Variants in FAM193B observed in about 807,000 individuals in gnomAD.
FAM193B encodes protein FAM193B.
In FAM193B, 27 loss-of-function variants were observed where a neutral mutation model predicts 70.7. That is an observed-to-expected ratio of 0.38 (90% confidence interval 0.28 to 0.53). The LOEUF (loss-of-function observed/expected upper bound fraction) is 0.53, where lower values mean the gene tolerates loss of function less well. Ranked by LOEUF, FAM193B falls within the 20% of genes least tolerant of loss-of-function variation. FAM193B has a pLI of 0.81. For synonymous variants in FAM193B, 448 were observed against 436.0 expected (o/e 1.03, Z -0.34); for missense variants, 1,022 against 1,072.5 (o/e 0.95, Z 0.66).
At position 177,538,445 on chromosome 5, in the gene FAM193B, T is replaced by C. The variant is rs546132565; in HGVS notation, c.454-338A>G. Among the ~76,000 whole-genome samples, 1 of 152,224 alleles carries C rather than the reference T, an allele frequency of 6.6e-6. No homozygotes were observed. The highest frequency in any genetic ancestry group is 2.4e-5 in the African/African-American group (1 of 41,542). On this transcript the variant is annotated intron_variant, in intron 2 of 8. Transcript: ENST00000514747. This position sits in a 1 kb window ranked among gnomAD's most constrained non-coding sequence, Gnocchi z 4.1. ...AGGAGTCCTGAAGCTAAACTGTTCC[T>C]GGGTAAAAGGGAAGATCTGCAGCGA...
chr5:177,532,175 C>T lies in FAM193B; in HGVS notation c.1275+268G>A, dbSNP rs1763568287. The T allele has an allele frequency of 6.1e-6, 9 of 1,471,884 alleles. No individual in the cohort carries two copies. Among genetic ancestry groups the T allele is most frequent in the Non-Finnish European group, 8.1e-6 (9 of 1,106,714 alleles). The allele number at this position is 1,471,884 out of a possible 1,614,324, so 91.2% of individuals were successfully genotyped here. A position where few individuals can be genotyped will look rare whatever the true frequency, so the allele number is the denominator to read the frequency against. On this transcript the variant is annotated intron_variant, in intron 5 of 8. Transcript: ENST00000514747. This position sits in a 1 kb window ranked among gnomAD's most constrained non-coding sequence, Gnocchi z 4.9. ...ACATACTCATCAGAATCATAGCTTT[C>T]TCTCTGCCATTTCCTTTCCTTTTGC... is the stretch of plus-strand genomic sequence containing the variant.
chr5:177,539,082 G>A lies in FAM193B; in HGVS notation c.276C>T (p.Gly92=). Residue 92 remains glycine, a synonymous_variant, in exon 2 of 9, where the codon GGC becomes GGT. Coordinates refer to ENST00000514747, the MANE Select transcript of FAM193B (RefSeq NM_001190946.3). ...CATTTTGAGAAGGGCCTTCTTCCCAGCCTTTGCGTTCCCGGTGACACAGCA... is the reference window on the plus strand; with the variant it reads ...CATTTTGAGAAGGGCCTTCTTCCCAACCTTTGCGTTCCCGGTGACACAGCA... ...CCLLCHRERK[G]WEEGPSQNGL... 1 of 1,612,578 alleles carries A rather than the reference G, an allele frequency of 6.2e-7. No individual in the cohort carries two copies. Among genetic ancestry groups the A allele is most frequent in the East Asian group, 2.2e-5 (1 of 44,870 alleles).
At chr5:177,547,506 G>A (rs1234450142) in intron 1 of FAM193B, among the ~76,000 whole-genome samples, 2 of 150,910 alleles carry the variant, frequency 1.3e-5, no homozygotes, top group Non-Finnish European at 3.0e-5. Flanking sequence ...GGATGGTCTC[G>A]ATCTCCTGAC....
Position 177,536,351 on chromosome 5 carries a change from C to T in FAM193B, c.1076+7G>A. ...TAGCGAGTTTGCCCTTCATGCAGCA[C>T]ACTTACCTGTGAGTGCTAGGGAGTG... On this transcript the variant is annotated splice_region_variant and intron_variant, in intron 4 of 8. Transcript: ENST00000514747. The T allele has an allele frequency of 1.9e-6, 3 of 1,607,094 alleles. No homozygotes were observed. The highest frequency in any genetic ancestry group is 1.1e-5 in the South Asian group (1 of 90,428).
In FAM193B at chr5:177,538,231, AATT is replaced by A. The variant is rs748824898; in HGVS notation, c.454-127_454-125del. The A allele has an allele frequency of 1.1e-4, 104 of 966,298 alleles. No homozygotes were observed. In the African/African-American group the frequency reaches 1.7e-3, roughly 16 times the overall value. 59.9% of individuals were successfully genotyped at this position (966,298 alleles called of 1,614,324 possible). ...AGACCATGTGCCATAGCAAAAACAC[AATT>A]AATACAACTCCAGCTATAAGAACAA... On this transcript the variant is annotated intron_variant, in intron 2 of 8. Coordinates refer to ENST00000514747, the MANE Select transcript of FAM193B (RefSeq NM_001190946.3). This position sits in a 1 kb window ranked among gnomAD's most constrained non-coding sequence, Gnocchi z 4.1.
intron 1 of FAM193B, chr5:177,554,011 C>G: frequency 7.7e-7 from 1 of 1,302,762 alleles, no homozygotes; most frequent in Non-Finnish European, 9.8e-7. Flanking sequence ...CCGGAGGCGG[C>G]GGGGAGAGGG....
intron 1 of FAM193B, among the ~76,000 whole-genome samples, chr5:177,540,185 T>C (rs1764674467): frequency 6.6e-6 from 1 of 151,748 alleles, no homozygotes; most frequent in African/African-American, 2.4e-5. Context: ...CAAGCACCTG[T>C]AGTCCCAGCT....
In FAM193B at chr5:177,538,773, T is replaced by C. The variant is rs1242964720; in HGVS notation, c.453+132A>G. The C allele has an allele frequency of 2.5e-6, 3 of 1,222,146 alleles. No homozygotes were observed. The highest frequency in any genetic ancestry group is 3.4e-6 in the Non-Finnish European group (3 of 878,876). 75.7% of individuals were successfully genotyped at this position (1,222,146 alleles called of 1,614,324 possible). Reference sequence around the variant, plus strand: ...ACTTGAGCTGCCAATGCTGTGCCAGTGCAGCCCAGAAGTCTCTCAGTGCCT... The same window carrying C: ...ACTTGAGCTGCCAATGCTGTGCCAGCGCAGCCCAGAAGTCTCTCAGTGCCT... On this transcript the variant is annotated intron_variant, in intron 2 of 8. Coordinates refer to ENST00000514747, the MANE Select transcript of FAM193B (RefSeq NM_001190946.3). This position sits in a 1 kb window ranked among gnomAD's most constrained non-coding sequence, Gnocchi z 4.1.
chr5:177,531,538 G>A, intron 5 of FAM193B: 1 of 1,282,084 alleles, frequency 7.8e-7, no homozygotes, highest in Non-Finnish European at 1.0e-6. Flanking sequence ...GTGGGGGGGA[G>A]GTGCTGACAT....
At chr5:177,543,802 G>A (rs335457) in intron 1 of FAM193B, among the ~76,000 whole-genome samples, 61,844 of 152,084 alleles carry the variant, frequency 0.41, 13,105 homozygotes, top group Non-Finnish European at 0.47. Context: ...CTGAAAAGTC[G>A]GTCAACCCAG....
rs1019171960 is a variant in FAM193B, at chr5:177,521,895, A to C, written c.*1+79T>G. The C allele has an allele frequency of 3.5e-6, 4 of 1,127,314 alleles. No individual in the cohort carries two copies. In the African/African-American group the frequency reaches 4.6e-5, roughly 13 times the overall value. The allele number at this position is 1,127,314 out of a possible 1,614,324, so 69.8% of individuals were successfully genotyped here. A position where few individuals can be genotyped will look rare whatever the true frequency, so the allele number is the denominator to read the frequency against. ...TCCAACTCCCTGTGCCCCAGAGCACAGAATGGTCTGGTGAGCGTACAGAGA... is the reference window on the plus strand; with the variant it reads ...TCCAACTCCCTGTGCCCCAGAGCACCGAATGGTCTGGTGAGCGTACAGAGA... On this transcript the variant is annotated intron_variant, in intron 8 of 8. Transcript: ENST00000514747.
intron 1 of FAM193B, among the ~76,000 whole-genome samples, chr5:177,548,528 A>C (rs2127490020): frequency 6.6e-6 from 1 of 152,294 alleles, no homozygotes; most frequent in South Asian, 2.1e-4. Flanking sequence ...AGAATACCCT[A>C]GGTCTCCTCA....
At position 177,554,266 on chromosome 5, in the gene FAM193B, G is replaced by C; in HGVS notation, c.193C>G (p.Leu65Val). The C allele has an allele frequency of 1.4e-6, 2 of 1,476,942 alleles. No homozygotes were observed. The highest frequency in any genetic ancestry group is 1.8e-6 in the Non-Finnish European group (2 of 1,117,456). The allele number at this position is 1,476,942 out of a possible 1,614,324, so 91.5% of individuals were successfully genotyped here. ...GCTCCTACCTGCGGGCCGGGCACCA[G>C]GTTGGGTTCGTCATCCTCCCTGGGG... ...DGPREDDEPN[L>V]VPGPQVPPAS... The change falls in exon 1 of 9, where the codon CTG (leucine) becomes GTG (valine). Residue 65 changes from leucine (L) to valine (V), a missense_variant. Transcript: ENST00000514747.
chr5:177,527,357 G>A (rs1762772072), intron 5 of FAM193B, among the ~76,000 whole-genome samples: 1 of 152,322 alleles, frequency 6.6e-6, no homozygotes, highest in South Asian at 2.1e-4. Flanking sequence ...CAGTGTTTGT[G>A]CCCGAGGGCA....
At chr5:177,536,240 A>C (rs1457880045) in intron 4 of FAM193B, 118 bp downstream of exon 4, 3 of 1,162,690 alleles carry the variant, frequency 2.6e-6, no homozygotes, top group Non-Finnish European at 3.7e-6. Flanking sequence ...ACAATTGAAA[A>C]ATAATGAAAG....
In FAM193B at chr5:177,524,951, A is replaced by G; in HGVS notation, c.1530T>C (p.Pro510=). 1 of 1,506,926 alleles carries G rather than the reference A, an allele frequency of 6.6e-7. No homozygotes were observed. The highest frequency in any genetic ancestry group is 8.9e-7 in the Non-Finnish European group (1 of 1,128,956). The allele number at this position is 1,506,926 out of a possible 1,614,324, so 93.3% of individuals were successfully genotyped here. A position where few individuals can be genotyped will look rare whatever the true frequency, so the allele number is the denominator to read the frequency against. The change falls in exon 6 of 9, where the codon CCT becomes CCC. Residue 510 remains proline (P), a synonymous_variant. Coordinates refer to ENST00000514747, the MANE Select transcript of FAM193B (RefSeq NM_001190946.3). ...NGFSKEGAAE[P]EPQSLPPSNL... is the part of the protein sequence containing the mutation. ...TTGAGGGGGGTAGACTCTGAGGCTC[A>G]GGCTCAGCAGCCCCCTCCTTAGAGA...
At chr5:177,522,620 G>T (rs1375875644) in intron 7 of FAM193B, among the ~76,000 whole-genome samples, 1 of 151,196 alleles carries the variant, frequency 6.6e-6, no homozygotes, top group Non-Finnish European at 1.5e-5. Flanking sequence ...GATTACAGGT[G>T]GGAGACACTG....
rs1034038108 is a variant in FAM193B at position 177,525,021 on chromosome 5, C to G, written c.1460G>C (p.Arg487Pro). Residue 487 changes from arginine (R) to proline (P), a missense_variant, in exon 6 of 9, where the codon CGT (arginine) becomes CCT (proline). By Grantham distance (103) the Arg-to-Pro change is moderately radical. Coordinates refer to ENST00000514747, the MANE Select transcript of FAM193B (RefSeq NM_001190946.3). ...EIKNTVKDSIRASFSVCELSM... is the reference protein window; with the variant it reads ...EIKNTVKDSIPASFSVCELSM... ...GAGCTCACACACACTGAAGCTGGCA[C>G]GGATGGAGTCTTTGACAGTGTTTTT... 1.3e-6 allele frequency: 2 copies of G among 1,557,738 alleles called. No homozygotes were observed. The highest frequency in any genetic ancestry group is 2.8e-5 in the African/African-American group (2 of 72,688).
In FAM193B at chr5:177,521,990, A is replaced by G; in HGVS notation, c.2454T>C (p.Pro818=). The part of the protein sequence containing the change: ...WTNFSLKKTT[P]STAQ Reference sequence around the variant, plus strand: ...TCTCTGTACCTCACTGAGCTGTGCTAGGAGTGGTTTTCTTGAGGCTGAAGT... The same window carrying G: ...TCTCTGTACCTCACTGAGCTGTGCTGGGAGTGGTTTTCTTGAGGCTGAAGT... Residue 818 remains proline (P), a synonymous_variant, in exon 8 of 9, where the codon CCT becomes CCC. Transcript: ENST00000514747. 6.2e-7 allele frequency: 1 copy of G among 1,613,880 alleles called. No individual in the cohort carries two copies. The highest frequency in any genetic ancestry group is 8.5e-7 in the Non-Finnish European group (1 of 1,179,762).
Sources: gnomAD v4.1 joint callset for allele counts (sites outside exome capture counted in the v4.1 genomes callset) on GRCh38, gnomAD v4.1.1 for gene constraint, Gnocchi (gnomAD v3.1) non-coding constraint, MANE v1.5 for transcripts, NCBI Gene and HGNC (gene_info 2026-07-23, HGNC 2026-07-21) for gene names.